BBS12: variants seen among roughly 807,000 people sequenced by gnomAD.
BBS12 encodes the protein Bardet-Biedl syndrome 12, also known as chaperonin-containing T-complex member BBS12.
BBS12 carries 5 observed loss-of-function variants against 5.6 expected under a neutral mutation model. The ratio of observed to expected loss-of-function variants is 0.89; its 90% CI spans 0.46 to 1.86. The LOEUF (loss-of-function observed/expected upper bound fraction) is 1.86, where lower values mean the gene tolerates loss of function less well. Ranked by LOEUF, BBS12 falls within the 40% of genes most tolerant of loss-of-function variation. BBS12 has a pLI of 0.01. For synonymous variants in BBS12, 308 were observed against 306.8 expected (o/e 1.00, Z -0.04); for missense variants, 748 against 830.4 (o/e 0.90, Z 1.22).
rs777175466 is a variant in BBS12, at chr4:122,743,905, G to A, written c.2013G>A (p.Glu671=). The change falls in exon 2 of 2, where the codon GAG becomes GAA. Residue 671 remains glutamate (E), a synonymous_variant. Coordinates refer to ENST00000314218, the MANE Select transcript of BBS12 (RefSeq NM_152618.3). Reference sequence around the variant, plus strand: ...ATGACGTTGTTACACCAAAGATTGAGGCGTGGCGCCGAGCATTGGATTTAG... The same window carrying A: ...ATGACGTTGTTACACCAAAGATTGAAGCGTGGCGCCGAGCATTGGATTTAG... ...RVYDVVTPKI[E]AWRRALDLVL... 6.2e-7 allele frequency: 1 copy of A among 1,606,054 alleles called. No individual in the cohort carries two copies.
chr4:122,701,059 G>A, the BBS12 span, among the ~76,000 whole-genome samples: 1 of 152,152 alleles, frequency 6.6e-6, no homozygotes, highest in Non-Finnish European at 1.5e-5. Flanking sequence ...ACCCTACTCA[G>A]TTTAGAAATC....
the BBS12 span, among the ~76,000 whole-genome samples, chr4:122,705,790 C>G: frequency 6.6e-6 from 1 of 152,178 alleles, no homozygotes; most frequent in African/African-American, 2.4e-5. Context: ...GCTCAATTGT[C>G]CTGATATGTT....
In BBS12 at chr4:122,743,808, A is replaced by T; in HGVS notation, c.1916A>T (p.Glu639Val). 1 of 1,612,038 alleles carries T rather than the reference A, an allele frequency of 6.2e-7. No individual in the cohort carries two copies. The highest frequency in any genetic ancestry group is 8.5e-7 in the Non-Finnish European group (1 of 1,179,338). Residue 639 changes from glutamate to valine, a missense_variant, in exon 2 of 2, where the codon GAA (glutamate) becomes GTA (valine). Physicochemically the swap from Glu to Val is moderately radical, Grantham distance 121. Transcript: ENST00000314218. ...SGSPSSYILN[E>V]YSKLNSRIFN... ...TCTCCTTCATCTTACATCTTGAATG[A>T]ATATAGTAAACTAAATAGTAGAATT...
the BBS12 span, among the ~76,000 whole-genome samples, chr4:122,707,163 C>T: frequency 9.4e-5 from 14 of 148,534 alleles, no homozygotes; most frequent in African/African-American, 3.5e-4. Flanking sequence ...GCTTATCTCA[C>T]AGTTTTAAAA....
At chr4:122,732,998 G>C (rs1446870311) in intron 1 of BBS12, 114 bp downstream of exon 1, 1 of 152,408 alleles carries the variant, frequency 6.6e-6, no homozygotes, top group East Asian at 1.9e-4. Flanking sequence ...TGAGAATCTA[G>C]GGCCTGGAGG....
the BBS12 span, among the ~76,000 whole-genome samples, chr4:122,706,826 T>G: frequency 1.4e-4 from 22 of 152,228 alleles, no homozygotes; most frequent in Non-Finnish European, 2.6e-4. Context: ...AGAAACCATG[T>G]GCATGTTCCA....
At position 122,744,188 on chromosome 4, in the gene BBS12, T is replaced by TA. The variant is rs1186198478; in HGVS notation, c.*164dup. 1 of 739,588 alleles carries TA rather than the reference T, an allele frequency of 1.4e-6. No homozygotes were observed. The highest frequency in any genetic ancestry group is 2.2e-6 in the Non-Finnish European group (1 of 447,044). 45.8% of individuals were successfully genotyped at this position (739,588 alleles called of 1,614,324 possible). ...GCATGGTCTGAGATTTTACCCTACTTATAAGCTAACAAGTTAGCCTGTTAC... is the reference window on the plus strand; with the variant it reads ...GCATGGTCTGAGATTTTACCCTACTTAATAAGCTAACAAGTTAGCCTGTTAC... On this transcript the variant is annotated 3_prime_UTR_variant, in exon 2 of 2. Transcript: ENST00000314218.
rs907927925 is a variant in BBS12 at position 122,743,356 on chromosome 4, C to T, written c.1464C>T (p.Ile488=). The T allele has an allele frequency of 2.5e-6, 4 of 1,614,122 alleles. No individual in the cohort carries two copies. Among genetic ancestry groups the T allele is most frequent in the South Asian group, 2.2e-5 (2 of 91,082 alleles). ...PLDVVDRNNR[I]AILLKTEGIN... ...ATGTTGTAGATAGGAACAACAGAATCGCAATCTTATTAAAAACAGAAGGAA... is the reference window on the plus strand; with the variant it reads ...ATGTTGTAGATAGGAACAACAGAATTGCAATCTTATTAAAAACAGAAGGAA... The change falls in exon 2 of 2, where the codon ATC becomes ATT. Residue 488 remains isoleucine (I), a synonymous_variant. Transcript: ENST00000314218.
At chr4:122,739,455 A>G (rs1413996341) in intron 1 of BBS12, among the ~76,000 whole-genome samples, 1 of 152,248 alleles carries the variant, frequency 6.6e-6, no homozygotes, top group African/African-American at 2.4e-5. Context: ...GCATTAAGCA[A>G]CCAAGAACTA....
At chr4:122,719,010 A>C in the BBS12 span, among the ~76,000 whole-genome samples, 3 of 152,046 alleles carry the variant, frequency 2.0e-5, no homozygotes, top group Non-Finnish European at 4.4e-5. Context: ...TCGTAGAGAC[A>C]GAGTTTCACC....
chr4:122,723,171 A>G, the BBS12 span, among the ~76,000 whole-genome samples: 1 of 152,194 alleles, frequency 6.6e-6, no homozygotes, highest in Non-Finnish European at 1.5e-5. Flanking sequence ...GAACAAACCA[A>G]ATTAGGTTTG....
At chr4:122,732,421 G>A (rs309357), upstream of BBS12, 2 of 152,288 alleles carry the variant, frequency 1.3e-5, no homozygotes, top group South Asian at 2.1e-4. Flanking sequence ...ACACTCACCA[G>A]GTCCCCAGCC....
chr4:122,715,280 T>C, the BBS12 span, among the ~76,000 whole-genome samples: 1 of 150,318 alleles, frequency 6.7e-6, no homozygotes, highest in East Asian at 2.0e-4. Context: ...TAAACCATTC[T>C]CATCCATCAC....
At chr4:122,706,288 G>T in the BBS12 span, among the ~76,000 whole-genome samples, 1 of 152,024 alleles carries the variant, frequency 6.6e-6, no homozygotes, top group Admixed American at 6.6e-5. Context: ...TATTTGCAAA[G>T]AAAATTCTAC....
chr4:122,727,398 C>T, the BBS12 span, among the ~76,000 whole-genome samples: 1 of 151,926 alleles, frequency 6.6e-6, no homozygotes, highest in African/African-American at 2.4e-5. Context: ...GTGCCTGCCA[C>T]CATGTCCAGC....
At chr4:122,716,876 T>G in the BBS12 span, among the ~76,000 whole-genome samples, 1 of 152,144 alleles carries the variant, frequency 6.6e-6, no homozygotes. Flanking sequence ...ATATATAATT[T>G]CTTTACATTT....
chr4:122,733,356 G>T (rs1399476603), intron 1 of BBS12, among the ~76,000 whole-genome samples: 2 of 138,000 alleles, frequency 1.4e-5, no homozygotes, highest in East Asian at 2.1e-4. Flanking sequence ...AATTACTATC[G>T]GACCCCGCCC....
intron 1 of BBS12, among the ~76,000 whole-genome samples, chr4:122,739,286 G>A (rs1224297318): frequency 6.6e-6 from 1 of 152,234 alleles, no homozygotes; most frequent in African/African-American, 2.4e-5. Context: ...ATGCAGTGAG[G>A]ATGTGGAGAA....
rs1800878801 is a variant in BBS12 at position 122,741,937 on chromosome 4, A to G, written c.45A>G (p.Gly15=). ...TCGTAAACAAAAGAAGACACATGGG[A>G]CTTCAACAACTTTCATCATTCGCGG... ...CRVVNKRRHM[G]LQQLSSFAET... is the part of the protein sequence containing the mutation. Residue 15 remains glycine, a synonymous_variant, in exon 2 of 2, where the codon GGA becomes GGG. Transcript: ENST00000314218. 1 of 1,613,972 alleles carries G rather than the reference A, an allele frequency of 6.2e-7. No individual in the cohort carries two copies. Among genetic ancestry groups the G allele is most frequent in the Non-Finnish European group, 8.5e-7 (1 of 1,179,924 alleles).
Sources: allele counts gnomAD v4.1 joint callset (sites outside exome capture counted in the v4.1 genomes callset), GRCh38; gene constraint gnomAD v4.1.1; transcripts MANE v1.5; gene names NCBI Gene and HGNC (gene_info 2026-07-23, HGNC 2026-07-21).